Variants in ZNF521 observed in about 807,000 individuals in gnomAD.
ZNF521 encodes zinc finger protein 521.
Under a neutral mutation model 105.5 loss-of-function variants are expected in ZNF521, and 14 were observed. That is an observed-to-expected ratio of 0.13 (90% confidence interval 0.09 to 0.21). The LOEUF (loss-of-function observed/expected upper bound fraction) is 0.21. Ranked by LOEUF, ZNF521 falls within the 10% of genes least tolerant of loss-of-function variation. The pLI is 1.00. For synonymous variants in ZNF521, 635 were observed against 606.0 expected (o/e 1.05, Z -0.70); for missense variants, 1,233 against 1,629.7 (o/e 0.76, Z 4.19).
At chr18:25,324,340 C>T (rs979261781) in intron 2 of ZNF521, among the ~76,000 whole-genome samples, 5 of 151,434 alleles carry the variant, frequency 3.3e-5, no homozygotes, top group African/African-American at 1.2e-4. Context: ...GCTGATACTA[C>T]AGGACCCACC....
Position 25,350,889 on chromosome 18 carries a change from CA to C in ZNF521, c.40+17del, listed in dbSNP as rs1362945931. The C allele has an allele frequency of 1.9e-6, 3 of 1,548,488 alleles. No individual in the cohort carries two copies. The African/African-American group carries it at 4.1e-5, about 21-fold the overall frequency. On this transcript the variant is annotated intron_variant, in intron 2 of 7. Coordinates refer to ENST00000361524, the MANE Select transcript of ZNF521 (RefSeq NM_015461.3). The stretch of plus-strand genomic sequence containing the variant: ...CTCGCGGATGGGGGAAAGCGGGGAG[CA>C]GGGGGTTCCTCCTTACCTTTGAGGG...
At chr18:25,289,297 A>G (rs1196467219) in intron 3 of ZNF521, among the ~76,000 whole-genome samples, 1 of 152,242 alleles carries the variant, frequency 6.6e-6, no homozygotes, top group African/African-American at 2.4e-5. Context: ...AGTATTGTGA[A>G]TAAACATTAT....
chr18:25,296,950 T>C lies in ZNF521; in HGVS notation c.220+25058A>G, dbSNP rs533320228. 2.6e-5 allele frequency among the ~76,000 whole-genome samples: 4 copies of C among 152,224 alleles called. No individual in the cohort carries two copies. In the South Asian group the frequency reaches 8.3e-4, roughly 32 times the overall value. ...ATAGCTGGTACTCAATAAATATGTA[T>C]TGAATGAATGAATGAAAAAAGTCTT... is the stretch of plus-strand genomic sequence containing the variant. On this transcript the variant is annotated intron_variant, in intron 3 of 7. Coordinates refer to ENST00000361524, the MANE Select transcript of ZNF521 (RefSeq NM_015461.3).
In ZNF521 at chr18:25,239,786, G is replaced by A. The variant is rs114993670; in HGVS notation, c.221-12089C>T. 4.9e-3 allele frequency among the ~76,000 whole-genome samples: 753 copies of A among 152,238 alleles called. 10 individuals are homozygous for A. The highest frequency in any genetic ancestry group is 0.016 in the African/African-American group (682 of 41,536). ...TGTTGTCAGAGCTGGAAATAGGAGG[G>A]GGGAGGAGAAGGAGGGCTTGATCTC... On this transcript the variant is annotated intron_variant, in intron 3 of 7. Transcript: ENST00000361524.
At chr18:25,207,181 C>T (rs12959389) in intron 4 of ZNF521, among the ~76,000 whole-genome samples, 1 of 152,126 alleles carries the variant, frequency 6.6e-6, no homozygotes, top group Non-Finnish European at 1.5e-5. Context: ...GTAAGTTCAT[C>T]TATTTCAAAT....
rs1175859497 is a variant in ZNF521 at position 25,179,116 on chromosome 18, C to CTTTTTTTTTTTTTTTTTTTT, written c.3658+16024_3658+16043dup. 3.4e-4 allele frequency among the ~76,000 whole-genome samples: 18 copies of CTTTTTTTTTTTTTTTTTTTT among 52,440 alleles called. 2 individuals carry two copies. The highest frequency in any genetic ancestry group is 6.5e-4 in the Admixed American group (2 of 3,090). 34.4% of individuals were successfully genotyped at this position (52,440 alleles called of 152,430 possible). ...GACTTATACTTCTTTTTCTTTATTCCTTTTTTTTTTTTTTTTTTTTTTTTT... is the reference window on the plus strand; with the variant it reads ...GACTTATACTTCTTTTTCTTTATTCCTTTTTTTTTTTTTTTTTTTTTTTTTTTTTTTTTTTTTTTTTTTTT... On this transcript the variant is annotated intron_variant, in intron 5 of 7. Coordinates refer to ENST00000361524, the MANE Select transcript of ZNF521 (RefSeq NM_015461.3).
chr18:25,150,036 C>T (rs746071165), intron 5 of ZNF521, among the ~76,000 whole-genome samples: 15 of 152,030 alleles, frequency 9.9e-5, no homozygotes, highest in Non-Finnish European at 2.2e-4. Context: ...TATCTTTGTA[C>T]CCACAATTAA....
chr18:25,132,072 A>C (rs918121332), intron 5 of ZNF521, among the ~76,000 whole-genome samples: 2 of 152,180 alleles, frequency 1.3e-5, no homozygotes, highest in Non-Finnish European at 2.9e-5. Flanking sequence ...AAGAGATCCC[A>C]AAGTCAGAAA....
intron 3 of ZNF521, among the ~76,000 whole-genome samples, chr18:25,274,138 C>T (rs1909882523): frequency 6.6e-6 from 1 of 152,156 alleles, no homozygotes; most frequent in African/African-American, 2.4e-5. Flanking sequence ...GATACTTTGG[C>T]CTCCCAAGAC....
intron 3 of ZNF521, among the ~76,000 whole-genome samples, chr18:25,230,556 A>G (rs1383374609): frequency 1.3e-5 from 2 of 152,126 alleles, no homozygotes; most frequent in Non-Finnish European, 2.9e-5. Context: ...AATGGTGAAT[A>G]TAGGTTTAAA....
At chr18:25,202,787 C>A (rs989896386) in intron 4 of ZNF521, 3 of 152,096 alleles carry the variant, frequency 2.0e-5, no homozygotes, top group Non-Finnish European at 4.4e-5. Flanking sequence ...ACTAATTTAG[C>A]CTAGTCATTT....
At chr18:25,341,845 C>G (rs1598491706) in intron 2 of ZNF521, among the ~76,000 whole-genome samples, 1 of 152,164 alleles carries the variant, frequency 6.6e-6, no homozygotes. Context: ...AGACTATAAG[C>G]TCCATAAGAG....
intron 3 of ZNF521, among the ~76,000 whole-genome samples, chr18:25,268,596 T>A (rs1461385235): frequency 6.6e-6 from 1 of 152,106 alleles, no homozygotes; most frequent in Non-Finnish European, 1.5e-5. Context: ...TAGAAACCCA[T>A]AAGCCAGAAG....
At chr18:25,328,356 T>C (rs533093702) in intron 2 of ZNF521, among the ~76,000 whole-genome samples, 67 of 151,022 alleles carry the variant, frequency 4.4e-4, no homozygotes, top group Non-Finnish European at 8.7e-4. Context: ...TGAAATTCCT[T>C]GAAGGAGGAC....
intron 5 of ZNF521, among the ~76,000 whole-genome samples, chr18:25,192,164 ACT>A (rs2035829655): frequency 2.6e-5 from 4 of 152,116 alleles, no homozygotes; most frequent in Admixed American, 2.0e-4. Flanking sequence ...TCATACTGAA[ACT>A]CTGTCAAAAT....
chr18:25,166,480 C>T (rs1213675167), intron 5 of ZNF521, among the ~76,000 whole-genome samples: 2 of 152,038 alleles, frequency 1.3e-5, no homozygotes, highest in African/African-American at 4.8e-5. Context: ...ATCATTATGC[C>T]TGCACATTAA....
chr18:25,070,078 G>C (rs147606664), intron 7 of ZNF521, among the ~76,000 whole-genome samples: 2 of 152,246 alleles, frequency 1.3e-5, no homozygotes, highest in Admixed American at 6.5e-5. Flanking sequence ...TAAAGCAAAA[G>C]GTGAAATGGC....
intron 2 of ZNF521, chr18:25,322,390 C>T: frequency 1.5e-6 from 1 of 685,862 alleles, no homozygotes; most frequent in Non-Finnish European, 2.7e-6. Context: ...GGCCTTCTTC[C>T]CTTTCCCCAC....
In ZNF521 at chr18:25,306,910, G is replaced by C. The variant is rs574925451; in HGVS notation, c.220+15098C>G. ...TGTCTACCTTTGGGTTCTGGCCTAA[G>C]TACACAACTGGTGCTTTAAACAATT... On this transcript the variant is annotated intron_variant, in intron 3 of 7. Coordinates refer to ENST00000361524, the MANE Select transcript of ZNF521 (RefSeq NM_015461.3). 5.3e-5 allele frequency among the ~76,000 whole-genome samples: 8 copies of C among 150,118 alleles called. No individual in the cohort carries two copies. In the South Asian group the frequency reaches 1.5e-3, roughly 28 times the overall value.
Sources: gnomAD v4.1 joint callset for allele counts (sites outside exome capture counted in the v4.1 genomes callset) on GRCh38, gnomAD v4.1.1 for gene constraint, MANE v1.5 for transcripts, NCBI Gene and HGNC (gene_info 2026-07-23, HGNC 2026-07-21) for gene names.